The following MPI variants were observed in gnomAD, a reference collection of about 807,000 sequenced individuals.
MPI encodes the protein mannose phosphate isomerase.
In MPI, 33 loss-of-function variants were observed where a neutral mutation model predicts 40.1. That is an observed-to-expected ratio of 0.82 (90% CI 0.62 to 1.10). The LOEUF (loss-of-function observed/expected upper bound fraction) is 1.10, where lower values mean the gene tolerates loss of function less well. Ranked by LOEUF, MPI falls within the 50% of genes least tolerant of loss-of-function variation. The pLI is 0.00. For missense variants in MPI, 514 were observed against 524.1 expected (o/e 0.98, Z 0.19); for synonymous variants, 187 against 207.4 (o/e 0.90, Z 0.85).
Position 74,890,546 on chromosome 15 carries a change from G to A in MPI, c.36G>A (p.Ala12=), listed in dbSNP as rs2064708895. ...CCCTAGTATTCCCACTTTCCTGTGC[G>A]GTGCAGCAGTATGCCTGGGGGAAGA... The part of the protein sequence containing the change: ...AAPRVFPLSC[A]VQQYAWGKMG... Residue 12 remains alanine (A), a synonymous_variant, in exon 2 of 8, where the codon GCG becomes GCA. Coordinates refer to ENST00000352410, the MANE Select transcript of MPI (RefSeq NM_002435.3). The A allele has an allele frequency of 1.2e-6, 2 of 1,614,064 alleles. No individual in the cohort carries two copies. Among genetic ancestry groups the A allele is most frequent in the African/African-American group, 1.3e-5 (1 of 74,926 alleles).
chr15:74,891,599 G>A lies in MPI; in HGVS notation c.345+20G>A, dbSNP rs772479528. The A allele has an allele frequency of 3.1e-6, 5 of 1,612,718 alleles. No homozygotes were observed. The Admixed American group carries it at 8.3e-5, about 27-fold the overall frequency. On this transcript the variant is annotated intron_variant, in intron 3 of 7. Transcript: ENST00000352410. ...AACAAGGTAAAGGACAGAGTGCGGT[G>A]CAGAGGTCAGGGTACAGAAGGGCTT...
At position 74,897,766 on chromosome 15, in the gene MPI, C is replaced by CCCTAAATTCCAGCCAA; in HGVS notation, c.*40_*55dup. The CCCTAAATTCCAGCCAA allele has an allele frequency of 1.2e-6, 2 of 1,602,946 alleles. No homozygotes were observed. Among genetic ancestry groups the CCCTAAATTCCAGCCAA allele is most frequent in the African/African-American group, 1.3e-5 (1 of 74,804 alleles). Reference sequence around the variant, plus strand: ...CTCCCCAGCTCTCCTCTGCCAGCCACCCTAAATTCCAGCCAACCTCACCTC... The same window carrying CCCTAAATTCCAGCCAA: ...CTCCCCAGCTCTCCTCTGCCAGCCACCCTAAATTCCAGCCAACCTAAATTCCAGCCAACCTCACCTC... On this transcript the variant is annotated 3_prime_UTR_variant, in exon 8 of 8. Coordinates refer to ENST00000352410, the MANE Select transcript of MPI (RefSeq NM_002435.3).
chr15:74,897,736 G>T lies in MPI; in HGVS notation c.*6G>T. 6.2e-7 allele frequency: 1 copy of T among 1,613,018 alleles called. No homozygotes were observed. The highest frequency in any genetic ancestry group is 8.5e-7 in the Non-Finnish European group (1 of 1,179,586). Reference sequence around the variant, plus strand: ...GTGCCTGCTGTCTGCTGTAAAGGCTGCAGCCTCCCCAGCTCTCCTCTGCCA... The same window carrying T: ...GTGCCTGCTGTCTGCTGTAAAGGCTTCAGCCTCCCCAGCTCTCCTCTGCCA... On this transcript the variant is annotated 3_prime_UTR_variant, in exon 8 of 8. Coordinates refer to ENST00000352410, the MANE Select transcript of MPI (RefSeq NM_002435.3).
At chr15:74,892,286 C>G (rs987411643) in intron 3 of MPI, among the ~76,000 whole-genome samples, 12 of 152,292 alleles carry the variant, frequency 7.9e-5, no homozygotes, top group African/African-American at 2.2e-4. Context: ...GCCACCATGC[C>G]CAGCCAAAAC....
intron 3 of MPI, 60 bp downstream of exon 3, chr15:74,891,639 C>T: frequency 6.3e-7 from 1 of 1,577,412 alleles, no homozygotes; most frequent in Non-Finnish European, 8.7e-7. Flanking sequence ...TAAGGCCCTC[C>T]CGTGACTTTT....
intron 1 of MPI, 197 bp from the exon 2 acceptor site, chr15:74,890,330 C>A: frequency 1.2e-6 from 1 of 862,266 alleles, no homozygotes; most frequent in Non-Finnish European, 1.8e-6. Context: ...CTCAGATCAG[C>A]ACAAGGTCCT....
chr15:74,893,534 T>C, intron 5 of MPI: 1 of 657,028 alleles, frequency 1.5e-6, no homozygotes, highest in Non-Finnish European at 2.8e-6. Flanking sequence ...CTGGTCATCT[T>C]CTCCAGATGG....
chr15:74,895,931 T>C (rs2064811162), intron 5 of MPI: 2 of 591,660 alleles, frequency 3.4e-6, no homozygotes, highest in Admixed American at 5.6e-5. Flanking sequence ...CCTGGGCATA[T>C]GAATAGTCAA....
chr15:74,893,649 G>C (rs2064759935), intron 5 of MPI: 1 of 590,232 alleles, frequency 1.7e-6, no homozygotes, highest in Non-Finnish European at 3.0e-6. Flanking sequence ...CTTGTATCTC[G>C]GGGCTAAAGA....
At chr15:74,892,545 G>C (rs2064742600) in intron 3 of MPI, 116 bp from the exon 4 acceptor site, 4 of 1,452,770 alleles carry the variant, frequency 2.8e-6, no homozygotes, top group Non-Finnish European at 3.8e-6. Flanking sequence ...GAGGTAGGTA[G>C]TCACTGCCAT....
intron 1 of MPI, 40 bp from the exon 2 acceptor site, chr15:74,890,487 T>G: frequency 6.2e-7 from 1 of 1,613,520 alleles, no homozygotes; most frequent in Non-Finnish European, 8.5e-7. Flanking sequence ...GGGTGGGGCC[T>G]GAGGAGTGGA....
intron 4 of MPI, 62 bp downstream of exon 4, chr15:74,892,864 T>A: frequency 6.2e-7 from 1 of 1,611,868 alleles, no homozygotes; most frequent in Non-Finnish European, 8.5e-7. Context: ...GGAACCAAGA[T>A]GATAGGAACA....
At position 74,898,112 on chromosome 15, in the gene MPI, G is replaced by A. The variant is rs1357719352; in HGVS notation, c.*382G>A. 2.7e-6 allele frequency: 1 copy of A among 364,132 alleles called. No homozygotes were observed. The highest frequency in any genetic ancestry group is 2.1e-5 in the African/African-American group (1 of 47,172). 22.6% of individuals were successfully genotyped at this position (364,132 alleles called of 1,614,324 possible). On this transcript the variant is annotated 3_prime_UTR_variant, in exon 8 of 8. Transcript: ENST00000352410. ...GGTAATTTCTAAGAACAGGGTTCTA[G>A]CGATGGGACTGCCCATTTCCTCAGC...
At chr15:74,893,613 C>G in intron 5 of MPI, 1 of 598,716 alleles carries the variant, frequency 1.7e-6, no homozygotes, top group Non-Finnish European at 3.0e-6. Flanking sequence ...TTTTCCCTAG[C>G]CCTGCAGCTG....
rs1032087866 is a variant in MPI at position 74,897,899 on chromosome 15, C to T, written c.*169C>T. The T allele has an allele frequency of 1.4e-6, 1 of 710,226 alleles. No homozygotes were observed. Among genetic ancestry groups the T allele is most frequent in the Non-Finnish European group, 2.5e-6 (1 of 398,180 alleles). The allele number at this position is 710,226 out of a possible 1,614,324, so 44.0% of individuals were successfully genotyped here. On this transcript the variant is annotated 3_prime_UTR_variant, in exon 8 of 8. Coordinates refer to ENST00000352410, the MANE Select transcript of MPI (RefSeq NM_002435.3). The stretch of plus-strand genomic sequence containing the variant: ...GTGAAGGTAGTGACTCCTGAACACA[C>T]CCAGGTGGAACCATCTTTGGGGAGG...
In MPI at chr15:74,892,673, A is replaced by G. The variant is rs1260900758; in HGVS notation, c.358A>G (p.Lys120Glu). Residue 120 changes from lysine (K) to glutamate (E), a missense_variant, in exon 4 of 8, where the codon AAG becomes GAG. Coordinates refer to ENST00000352410, the MANE Select transcript of MPI (RefSeq NM_002435.3). The stretch of plus-strand genomic sequence containing the variant: ...GGCCACCCCACAGGAGCTGGCAGAG[A>G]AGCTGCACCTCCAGGCTCCGCAGCA... ...QAHPNKELAEKLHLQAPQHYP... is the reference protein window; with the variant it reads ...QAHPNKELAEELHLQAPQHYP... The G allele has an allele frequency of 1.9e-6, 3 of 1,614,070 alleles. No individual in the cohort carries two copies. The highest frequency in any genetic ancestry group is 2.5e-6 in the Non-Finnish European group (3 of 1,180,034).
At chr15:74,896,390 C>A in intron 6 of MPI, 65 bp downstream of exon 6, 1 of 1,589,930 alleles carries the variant, frequency 6.3e-7, no homozygotes, top group Non-Finnish European at 8.6e-7. Flanking sequence ...CCTATCTGGA[C>A]AAAGGAAGGA....
intron 6 of MPI, chr15:74,896,606 A>G (rs2064822286): frequency 3.2e-6 from 2 of 627,130 alleles, no homozygotes; most frequent in Non-Finnish European, 5.7e-6. Flanking sequence ...CGCAGGCTAT[A>G]TTGGATCAAA....
chr15:74,894,108 G>GT (rs71140108), intron 5 of MPI, among the ~76,000 whole-genome samples: 9 of 22,582 alleles, frequency 4.0e-4, no homozygotes, highest in African/African-American at 5.9e-4. Flanking sequence ...GTGTGTGTGT[G>GT]GTCTCTTTCT....
Sources: gnomAD v4.1 joint callset for allele counts (sites outside exome capture counted in the v4.1 genomes callset) on GRCh38, gnomAD v4.1.1 for gene constraint, MANE v1.5 for transcripts, NCBI Gene and HGNC (gene_info 2026-07-23, HGNC 2026-07-21) for gene names.